Variants in TPST1 observed in about 807,000 individuals in gnomAD.
TPST1 encodes tyrosylprotein sulfotransferase 1, also known as protein-tyrosine sulfotransferase 1.
Under a neutral mutation model 34.8 loss-of-function variants are expected in TPST1, and 20 were observed. The observed-to-expected ratio is 0.57, with a 90% CI of 0.40 to 0.84. The LOEUF (loss-of-function observed/expected upper bound fraction) is 0.84, where lower values mean the gene tolerates loss of function less well. TPST1 is among the 40% of genes least tolerant of loss of function. The pLI, the probability that TPST1 is intolerant of heterozygous loss-of-function variation, is 0.00. For missense variants in TPST1, 353 were observed against 455.5 expected, an observed-to-expected ratio of 0.78 and a Z score of 2.05; for synonymous variants, 152 against 159.4, an observed-to-expected ratio of 0.95 and a Z score of 0.35.
intron 2 of TPST1, among the ~76,000 whole-genome samples, chr7:66,244,142 A>G (rs1254600147): frequency 1.3e-5 from 2 of 151,608 alleles, no homozygotes; most frequent in Non-Finnish European, 2.9e-5. Flanking sequence ...TTTAGTGGAG[A>G]CAGGGTTTCG....
chr7:66,257,020 C>T (rs1200586050), intron 2 of TPST1, among the ~76,000 whole-genome samples: 1 of 152,194 alleles, frequency 6.6e-6, no homozygotes. Flanking sequence ...AGTCATGGCT[C>T]ACTGCAGTCT....
chr7:66,264,261 C>G (rs1358777193), intron 2 of TPST1, among the ~76,000 whole-genome samples: 1 of 152,138 alleles, frequency 6.6e-6, no homozygotes, highest in African/African-American at 2.4e-5. Context: ...AACTAAAGAG[C>G]CTAGGAGCAG....
chr7:66,270,612 A>G (rs1562823102), intron 2 of TPST1, among the ~76,000 whole-genome samples: 1 of 152,192 alleles, frequency 6.6e-6, no homozygotes, highest in Admixed American at 6.5e-5. Context: ...TTTCTTTACC[A>G]TACACTATTT....
intron 1 of TPST1, among the ~76,000 whole-genome samples, chr7:66,235,014 CT>C (rs1789882344): frequency 6.6e-6 from 1 of 151,986 alleles, no homozygotes; most frequent in Non-Finnish European, 1.5e-5. Flanking sequence ...GTTTTACTTT[CT>C]TTAACCAAAA....
At chr7:66,358,644 G>A (rs1280995667) in intron 5 of TPST1, among the ~76,000 whole-genome samples, 2 of 152,214 alleles carry the variant, frequency 1.3e-5, no homozygotes, top group Non-Finnish European at 2.9e-5. Flanking sequence ...ATGGCAGCAA[G>A]CTGCTAATAT....
chr7:66,281,975 T>C lies in TPST1; in HGVS notation c.846-4536T>C, dbSNP rs190948944. 2.2e-3 allele frequency among the ~76,000 whole-genome samples: 332 copies of C among 152,268 alleles called. 2 individuals carry two copies. The highest frequency in any genetic ancestry group is 7.8e-3 in the African/African-American group (325 of 41,550). ...CACAGACGGAAGGAAGCCTGGGCAG[T>C]TGGGACTGGGGAGAACTTGCTGAGT... On this transcript the variant is annotated intron_variant, in intron 2 of 5. Transcript: ENST00000304842.
chr7:66,244,611 G>GTTTGTGGAATTT (rs1264885109), intron 2 of TPST1, among the ~76,000 whole-genome samples: 1 of 152,204 alleles, frequency 6.6e-6, no homozygotes, highest in East Asian at 1.9e-4. Context: ...TCTTCTCATG[G>GTTTGTGGAATTT]TTTGTGGAAT....
chr7:66,248,639 G>A (rs1170974683), intron 2 of TPST1, among the ~76,000 whole-genome samples: 1 of 151,788 alleles, frequency 6.6e-6, no homozygotes, highest in Non-Finnish European at 1.5e-5. Flanking sequence ...GAGTAGCTGG[G>A]ATTGCAGGTG....
At chr7:66,213,445 G>A (rs1349565342) in intron 1 of TPST1, among the ~76,000 whole-genome samples, 1 of 152,170 alleles carries the variant, frequency 6.6e-6, no homozygotes, top group Non-Finnish European at 1.5e-5. Flanking sequence ...TTTGTTTAAA[G>A]AGTGTATGTA....
chr7:66,326,154 A>G (rs954190598), intron 3 of TPST1, among the ~76,000 whole-genome samples: 1 of 152,216 alleles, frequency 6.6e-6, no homozygotes, highest in Non-Finnish European at 1.5e-5. Context: ...GGAGATGACT[A>G]TGAAAGGATC....
chr7:66,359,306 C>T (rs1401678523), intron 5 of TPST1: 1 of 145,128 alleles, frequency 6.9e-6, no homozygotes, highest in Non-Finnish European at 1.5e-5. Context: ...GCCCCCTGGA[C>T]ACTTAAAGAA....
At chr7:66,234,663 TTTTGTTTG>T (rs199744147) in intron 1 of TPST1, among the ~76,000 whole-genome samples, 11 of 151,944 alleles carry the variant, frequency 7.2e-5, no homozygotes, top group Admixed American at 5.9e-4. Flanking sequence ...TTCAGGGAAG[TTTTGTTTG>T]TTTGTTTGTT....
At chr7:66,273,606 C>A (rs1304213016) in intron 2 of TPST1, among the ~76,000 whole-genome samples, 2 of 151,986 alleles carry the variant, frequency 1.3e-5, no homozygotes, top group Non-Finnish European at 2.9e-5. Context: ...GAATAGAGCG[C>A]CCCCAGAAAT....
chr7:66,325,170 C>G (rs1173111957), intron 3 of TPST1, among the ~76,000 whole-genome samples: 3 of 152,226 alleles, frequency 2.0e-5, no homozygotes, highest in Non-Finnish European at 4.4e-5. Flanking sequence ...AGGAGAAGTG[C>G]TAAGTGAAGG....
intron 2 of TPST1, among the ~76,000 whole-genome samples, chr7:66,265,237 G>A (rs916748085): frequency 1.3e-5 from 2 of 152,150 alleles, no homozygotes; most frequent in Non-Finnish European, 2.9e-5. Context: ...AGGAGAGATG[G>A]TGGGGCAGAA....
rs921749394 is a variant in TPST1, at chr7:66,343,995, T to TATTG, written c.1045-8507_1045-8504dup. Among the ~76,000 whole-genome samples, 17 of 152,336 alleles carry TATTG rather than the reference T, an allele frequency of 1.1e-4. No homozygotes were observed. The South Asian group carries it at 1.2e-3, about 11-fold the overall frequency. On this transcript the variant is annotated intron_variant, in intron 3 of 5. Transcript: ENST00000304842. Reference sequence around the variant, plus strand: ...CAGAAATGAAGAATGCCCTTGGACTTATTGATAGAGTGGAAAGGACAATAG... The same window carrying TATTG: ...CAGAAATGAAGAATGCCCTTGGACTTATTGATTGATAGAGTGGAAAGGACAATAG...
chr7:66,265,765 A>G (rs1011881721), intron 2 of TPST1, among the ~76,000 whole-genome samples: 6 of 152,190 alleles, frequency 3.9e-5, no homozygotes, highest in African/African-American at 9.7e-5. Flanking sequence ...GCAGCTCATC[A>G]TGTACAGGGT....
At chr7:66,313,056 G>GAAA (rs57209573) in intron 3 of TPST1, among the ~76,000 whole-genome samples, 3 of 145,456 alleles carry the variant, frequency 2.1e-5, no homozygotes, top group Admixed American at 6.9e-5. Context: ...TAAGGATCCT[G>GAAA]AAAAAAAAAA....
chr7:66,247,064 T>A lies in TPST1; in HGVS notation c.845+5794T>A, dbSNP rs577447001. On this transcript the variant is annotated intron_variant, in intron 2 of 5. Transcript: ENST00000304842. ...GGAACATATGATCTAATAGAAGACT[T>A]AGATTCATATATAATGCAGGGTTAA... Among the ~76,000 whole-genome samples the A allele has an allele frequency of 2.6e-5, 4 of 152,330 alleles. No homozygotes were observed. The South Asian group carries it at 8.3e-4, about 32-fold the overall frequency.
Sources: gnomAD v4.1 joint callset for allele counts (sites outside exome capture counted in the v4.1 genomes callset) on GRCh38, gnomAD v4.1.1 for gene constraint, MANE v1.5 for transcripts, NCBI Gene and HGNC (gene_info 2026-07-23, HGNC 2026-07-21) for gene names.